TTC39C: variants seen among roughly 807,000 people sequenced by gnomAD.
TTC39C encodes the protein tetratricopeptide repeat domain 39C.
In TTC39C, 33 loss-of-function variants were observed where a neutral mutation model predicts 76.3. That is an observed-to-expected ratio of 0.43 (90% confidence interval 0.33 to 0.58). The LOEUF is 0.58. Among genes scored for constraint, TTC39C ranks in the 20% least tolerant of loss-of-function variants. TTC39C has a pLI of 0.04. For missense variants in TTC39C, 595 were observed against 701.4 expected (o/e 0.85, Z 1.71); for synonymous variants, 254 against 260.6 (o/e 0.97, Z 0.24).
chr18:24,045,402 C>G (rs918058151), intron 1 of TTC39C, among the ~76,000 whole-genome samples: 2 of 152,096 alleles, frequency 1.3e-5, no homozygotes, highest in African/African-American at 2.4e-5. Context: ...ACACTGCCTT[C>G]CTATGGCTTA....
At chr18:24,103,059 G>A (rs374731178) in intron 6 of TTC39C, among the ~76,000 whole-genome samples, 14 of 152,242 alleles carry the variant, frequency 9.2e-5, no homozygotes, top group African/African-American at 2.9e-4. Context: ...CCGTGATCAC[G>A]CCACTGCATT....
At chr18:24,023,724 C>T (rs2083543253) in intron 1 of TTC39C, among the ~76,000 whole-genome samples, 1 of 151,734 alleles carries the variant, frequency 6.6e-6, no homozygotes, top group Non-Finnish European at 1.5e-5. Context: ...TCAGGAAGAA[C>T]TGGTCTCTGG....
chr18:24,000,948 T>C (rs1360947393), intron 1 of TTC39C, among the ~76,000 whole-genome samples: 1 of 152,220 alleles, frequency 6.6e-6, no homozygotes, highest in South Asian at 2.1e-4. Context: ...TTGATCAAGG[T>C]CAACAGACCT....
At chr18:24,100,400 C>A (rs1253265148) in intron 6 of TTC39C, among the ~76,000 whole-genome samples, 1 of 152,210 alleles carries the variant, frequency 6.6e-6, no homozygotes, top group Non-Finnish European at 1.5e-5. Flanking sequence ...GACCTTGGCC[C>A]TTCACCTCTT....
At chr18:24,124,060 G>A in intron 9 of TTC39C, 117 bp downstream of exon 9, 1 of 676,986 alleles carries the variant, frequency 1.5e-6, no homozygotes, top group South Asian at 2.0e-5. Flanking sequence ...GCCACATAAA[G>A]TGCAGTTCAC....
At chr18:24,104,721 T>TGTGTGTGTGA (rs1352635739) in intron 6 of TTC39C, among the ~76,000 whole-genome samples, 1 of 150,504 alleles carries the variant, frequency 6.6e-6, no homozygotes, top group African/African-American at 2.5e-5. Context: ...TGTGTGTGTG[T>TGTGTGTGTGA]GACTGTGCAT....
rs773436765 is a variant in TTC39C, at chr18:24,080,926, G to T, written c.802G>T (p.Ala268Ser). 1.2e-6 allele frequency: 2 copies of T among 1,612,158 alleles called. No homozygotes were observed. The highest frequency in any genetic ancestry group is 1.7e-6 in the Non-Finnish European group (2 of 1,179,170). ...MYASESKDMK[A>S]PLATLALLWY... is the part of the protein sequence containing the mutation. Reference sequence around the variant, plus strand: ...TGCAAGCGAAAGTAAGGACATGAAGGCCCCTTTAGCTACGTGAGTAGCTGT... The same window carrying T: ...TGCAAGCGAAAGTAAGGACATGAAGTCCCCTTTAGCTACGTGAGTAGCTGT... The change falls in exon 5 of 14, where the codon GCC (alanine) becomes TCC (serine). Residue 268 changes from alanine (A) to serine (S), a missense_variant. By Grantham distance (99) the Ala-to-Ser change is moderately conservative (BLOSUM62 1). Transcript: ENST00000317571.
At chr18:24,094,940 G>C (rs1471527558) in intron 6 of TTC39C, among the ~76,000 whole-genome samples, 1 of 152,196 alleles carries the variant, frequency 6.6e-6, no homozygotes, top group African/African-American at 2.4e-5. Flanking sequence ...CCTATCCTTT[G>C]AAGCTTTGAA....
chr18:23,995,828 C>T (rs1427146050), intron 1 of TTC39C, among the ~76,000 whole-genome samples: 1 of 152,198 alleles, frequency 6.6e-6, no homozygotes, highest in African/African-American at 2.4e-5. Flanking sequence ...CACAGTCACA[C>T]CACTGCACTC....
Position 24,024,001 on chromosome 18 carries a change from TATATATA to T in TTC39C, c.167+8964_167+8970del, listed in dbSNP as rs1568409112. 6.0e-3 allele frequency among the ~76,000 whole-genome samples: 68 copies of T among 11,302 alleles called. 7 individuals are homozygous for T. Among genetic ancestry groups the T allele is most frequent in the Non-Finnish European group, 9.8e-3 (56 of 5,714 alleles). The allele number at this position is 11,302 out of a possible 152,430, so 7.4% of individuals were successfully genotyped here. On this transcript the variant is annotated intron_variant, in intron 1 of 13. Coordinates refer to ENST00000317571, the MANE Select transcript of TTC39C (RefSeq NM_001135993.2). ...ATATACATATATATATATATATATA[TATATATA>T]TATATATATTTTTTTTTTTTTTTGA...
rs2085010164 is a variant in TTC39C, at chr18:24,123,850, T to G, written c.1203T>G (p.Thr401=). 4.3e-6 allele frequency: 7 copies of G among 1,610,448 alleles called. No homozygotes were observed. The East Asian group carries it at 1.3e-4, about 31-fold the overall frequency. Residue 401 remains threonine, a synonymous_variant, in exon 9 of 14, where the codon ACT becomes ACG. Coordinates refer to ENST00000317571, the MANE Select transcript of TTC39C (RefSeq NM_001135993.2). ...AYLTAVCQGA[T]GDVDGAQIVF... ...TTCTTACAGTTTGTCAGGGAGCCAC[T>G]GGTGATGTGGATGGGGCACAGATTG...
chr18:24,063,815 G>T (rs758233241), intron 1 of TTC39C, among the ~76,000 whole-genome samples: 5 of 152,046 alleles, frequency 3.3e-5, no homozygotes, highest in Non-Finnish European at 7.4e-5. Context: ...CGCCTGGCCT[G>T]TTTCTACTAT....
At chr18:24,122,776 A>G (rs2084987727) in intron 8 of TTC39C, among the ~76,000 whole-genome samples, 1 of 152,094 alleles carries the variant, frequency 6.6e-6, no homozygotes, top group Admixed American at 6.6e-5. Flanking sequence ...GCACATGATC[A>G]TGATCAAAAT....
chr18:23,998,138 T>TTG (rs2083284096), intron 1 of TTC39C, among the ~76,000 whole-genome samples: 1 of 152,130 alleles, frequency 6.6e-6, no homozygotes, highest in Admixed American at 6.5e-5. Flanking sequence ...AAGTTAGAGG[T>TTG]TATTATATTC....
chr18:24,039,514 T>C (rs2083768013), intron 1 of TTC39C, among the ~76,000 whole-genome samples: 1 of 152,232 alleles, frequency 6.6e-6, no homozygotes, highest in East Asian at 1.9e-4. Flanking sequence ...GTTTTGTTTG[T>C]AGAGACGGAG....
chr18:24,130,638 T>C (rs113098670), intron 12 of TTC39C, among the ~76,000 whole-genome samples: 4,111 of 152,216 alleles, frequency 0.027, 197 homozygotes, highest in African/African-American at 0.093. Flanking sequence ...ATTACAGTCA[T>C]ACATCTCTTA....
intron 1 of TTC39C, among the ~76,000 whole-genome samples, chr18:24,017,332 G>A (rs2083465431): frequency 6.6e-6 from 1 of 152,186 alleles, no homozygotes; most frequent in African/African-American, 2.4e-5. Flanking sequence ...TTGCCATTTT[G>A]TGGCTGCTGA....
intron 6 of TTC39C, among the ~76,000 whole-genome samples, chr18:24,086,838 C>T (rs1275469836): frequency 6.6e-6 from 1 of 151,988 alleles, no homozygotes; most frequent in Non-Finnish European, 1.5e-5. Flanking sequence ...CAAACGCTGT[C>T]TAAGTAAGGG....
At chr18:24,094,657 G>A (rs1346794708) in intron 6 of TTC39C, among the ~76,000 whole-genome samples, 1 of 152,172 alleles carries the variant, frequency 6.6e-6, no homozygotes, top group Non-Finnish European at 1.5e-5. Flanking sequence ...GCTCTTGGGT[G>A]GCCACATACA....
Sources: gnomAD v4.1 joint callset for allele counts (sites outside exome capture counted in the v4.1 genomes callset) on GRCh38, gnomAD v4.1.1 for gene constraint, MANE v1.5 for transcripts, NCBI Gene and HGNC (gene_info 2026-07-23, HGNC 2026-07-21) for gene names.